The following EML1 variants were observed in gnomAD, a reference collection of about 807,000 sequenced individuals.
The protein encoded by EML1 is echinoderm microtubule-associated protein-like 1.
In EML1, 27 loss-of-function variants were observed where a neutral mutation model predicts 110.4. That is an observed-to-expected ratio of 0.24 (90% CI 0.18 to 0.34). The LOEUF (loss-of-function observed/expected upper bound fraction) is 0.34, where lower values mean the gene tolerates loss of function less well. EML1 is among the 10% of genes least tolerant of loss of function. The pLI, the probability that EML1 is intolerant of heterozygous loss-of-function variation, is 1.00. For synonymous variants in EML1, 344 were observed against 385.8 expected, an observed-to-expected ratio of 0.89 and a Z score of 1.27; for missense variants, 741 against 1,030.9, an observed-to-expected ratio of 0.72 and a Z score of 3.85.
At chr14:99,890,244 C>T (rs955557735) in intron 4 of EML1, among the ~76,000 whole-genome samples, 2 of 152,170 alleles carry the variant, frequency 1.3e-5, no homozygotes, top group Non-Finnish European at 2.9e-5. Flanking sequence ...CGTTTATTTC[C>T]TGTGTCGTCT....
Position 99,936,280 on chromosome 14 carries a change from T to G in EML1, c.2041T>G (p.Ser681Ala). The G allele has an allele frequency of 1.2e-6, 2 of 1,614,056 alleles. No homozygotes were observed. The highest frequency in any genetic ancestry group is 1.7e-6 in the Non-Finnish European group (2 of 1,180,012). The change falls in exon 19 of 22, where the codon TCT becomes GCT. Residue 681 changes from serine to alanine, a missense_variant. Ser to Ala is a moderately conservative substitution (Grantham distance 99). This residue lies in a region of EML1 where 388 missense variants were observed against 605.6 expected (regional missense o/e 0.64). Coordinates refer to ENST00000262233, the MANE Select transcript of EML1 (RefSeq NM_004434.3). This position sits in a 1 kb window ranked among gnomAD's most constrained non-coding sequence, Gnocchi z 5.5. ...HSSFITHLDW[S>A]VNSQFLVSNS... Reference sequence around the variant, plus strand: ...CAGCTTCATTACTCACCTGGACTGGTCTGTAAACTCACAGTTCCTCGTGTC... The same window carrying G: ...CAGCTTCATTACTCACCTGGACTGGGCTGTAAACTCACAGTTCCTCGTGTC...
intron 4 of EML1, among the ~76,000 whole-genome samples, chr14:99,888,617 G>T (rs1045954066): frequency 1.1e-4 from 16 of 152,124 alleles, no homozygotes; most frequent in African/African-American, 3.6e-4. Context: ...TTAGCACACA[G>T]AAAATGACAA....
intron 4 of EML1, among the ~76,000 whole-genome samples, chr14:99,890,974 G>A (rs557144589): frequency 2.0e-5 from 3 of 152,234 alleles, no homozygotes; most frequent in African/African-American, 7.2e-5. Context: ...GCACAACTTT[G>A]GTGATAAAGT....
At chr14:99,850,011 C>A in intron 1 of EML1, 2 of 306,046 alleles carry the variant, frequency 6.5e-6, no homozygotes, top group South Asian at 6.1e-5. Context: ...TCACTGCAGC[C>A]TTGACCTCTC....
At chr14:99,875,531 G>T (rs533556078) in intron 3 of EML1, among the ~76,000 whole-genome samples, 195 of 152,246 alleles carry the variant, frequency 1.3e-3, no homozygotes, top group African/African-American at 4.5e-3. Context: ...AACAGTTGTG[G>T]TTTTTCAGCT....
At chr14:99,793,591 GCGGCGGCGACGGCGA>G in intron 1 of EML1, 48 bp downstream of exon 1, 1 of 995,002 alleles carries the variant, frequency 1.0e-6, no homozygotes, top group Non-Finnish European at 1.2e-6. Flanking sequence ...CTGGTGGCGG[GCGGCGGCGACGGCGA>G]CGGCGGGGAC....
At chr14:99,812,034 T>G (rs1327145650) in intron 1 of EML1, among the ~76,000 whole-genome samples, 1 of 151,698 alleles carries the variant, frequency 6.6e-6, no homozygotes, top group Admixed American at 6.6e-5. Context: ...ATCTGCGCAG[T>G]TGAAACCCAC....
chr14:99,739,065 A>AGTGTGTGTGTGTGTGTGTGTGT (rs35246718), intron 1 of EML1, among the ~76,000 whole-genome samples: 70 of 139,022 alleles, frequency 5.0e-4, no homozygotes, highest in Non-Finnish European at 7.9e-4. Context: ...AGAGTGTGAG[A>AGTGTGTGTGTGTGTGTGTGTGT]GTGTGTGTGT....
chr14:99,747,615 G>T (rs1174704041), intron 1 of EML1, among the ~76,000 whole-genome samples: 4 of 152,194 alleles, frequency 2.6e-5, no homozygotes, highest in African/African-American at 9.7e-5. Flanking sequence ...ACCAAACCCA[G>T]GTCTGCACTG....
At chr14:99,812,597 G>T (rs1011580361) in intron 1 of EML1, among the ~76,000 whole-genome samples, 1 of 148,286 alleles carries the variant, frequency 6.7e-6, no homozygotes, top group Non-Finnish European at 1.5e-5. Flanking sequence ...CACTTTGCCT[G>T]GCTCAGAGGT....
chr14:99,900,836 C>A, intron 8 of EML1, 93 bp from the exon 9 acceptor site: 1 of 1,061,984 alleles, frequency 9.4e-7, no homozygotes, highest in South Asian at 1.4e-5. Flanking sequence ...TGACAAAGTC[C>A]GAGTTACTGC....
At chr14:99,805,970 C>T (rs1306240004) in intron 1 of EML1, among the ~76,000 whole-genome samples, 1 of 152,144 alleles carries the variant, frequency 6.6e-6, no homozygotes, top group African/African-American at 2.4e-5. Context: ...TAATTCCCCA[C>T]TCTCCCCCGC....
intron 4 of EML1, among the ~76,000 whole-genome samples, chr14:99,881,975 G>A (rs563502695): frequency 2.6e-5 from 4 of 152,242 alleles, no homozygotes; most frequent in South Asian, 2.1e-4. Context: ...CACTGGATTT[G>A]AGTCTTTCTT....
chr14:99,865,486 CTGATAT>C, intron 2 of EML1, 22 bp from the exon 3 acceptor site: 1 of 1,612,516 alleles, frequency 6.2e-7, no homozygotes, highest in Non-Finnish European at 8.5e-7. Flanking sequence ...GGGGAACTTT[CTGATAT>C]TATTTTCTGC....
chr14:99,822,458 A>G (rs2058280437), intron 1 of EML1, among the ~76,000 whole-genome samples: 1 of 152,246 alleles, frequency 6.6e-6, no homozygotes, highest in Non-Finnish European at 1.5e-5. Flanking sequence ...AACTAGGGTT[A>G]AAAATCATTA....
intron 1 of EML1, among the ~76,000 whole-genome samples, chr14:99,744,531 T>TC (rs2057082491): frequency 6.6e-6 from 1 of 152,206 alleles, no homozygotes; most frequent in African/African-American, 2.4e-5. Context: ...TGAGTTTTTT[T>TC]CCCCCGAATT....
intron 5 of EML1, chr14:99,892,071 T>C (rs1420936365): frequency 1.1e-6 from 1 of 929,876 alleles, no homozygotes; most frequent in Admixed American, 6.2e-5. Flanking sequence ...TGCGGGCTAG[T>C]GAGGGCTCCG....
At chr14:99,813,952 C>T (rs371841596) in intron 1 of EML1, among the ~76,000 whole-genome samples, 1 of 151,988 alleles carries the variant, frequency 6.6e-6, no homozygotes, top group Non-Finnish European at 1.5e-5. Context: ...ACTGTGCCTG[C>T]GTGGAGACCT....
chr14:99,850,317 G>A, intron 1 of EML1: 1 of 1,289,020 alleles, frequency 7.8e-7, no homozygotes, highest in Non-Finnish European at 1.0e-6. Context: ...TAAGGAGTTG[G>A]AAATTATGAT....
Sources: gnomAD v4.1 joint callset for allele counts (sites outside exome capture counted in the v4.1 genomes callset) on GRCh38, gnomAD v4.1.1 for gene constraint, gnomAD v4.1.1 regional missense constraint, Gnocchi (gnomAD v3.1) non-coding constraint, MANE v1.5 for transcripts, NCBI Gene and HGNC (gene_info 2026-07-23, HGNC 2026-07-21) for gene names.